Variants in PLA2G12B observed in about 807,000 individuals in gnomAD.
PLA2G12B encodes the protein phospholipase A2 group XIIB.
PLA2G12B carries 19 observed loss-of-function variants against 22.3 expected under a neutral mutation model. The observed-to-expected ratio is 0.85, with a 90% confidence interval of 0.60 to 1.25. PLA2G12B has a LOEUF of 1.25. Ranked by LOEUF, PLA2G12B falls within the 50% of genes most tolerant of loss-of-function variation. The pLI, the probability that PLA2G12B is intolerant of heterozygous loss-of-function variation, is 0.00. For missense variants in PLA2G12B, 191 were observed against 246.6 expected (o/e 0.77, Z 1.51); for synonymous variants, 81 against 94.9 (o/e 0.85, Z 0.85).
intron 1 of PLA2G12B, among the ~76,000 whole-genome samples, chr10:72,951,624 A>AT (rs1174125527): frequency 3.3e-5 from 5 of 151,408 alleles, no homozygotes; most frequent in African/African-American, 9.7e-5. Context: ...CACCCGGCTA[A>AT]TTTTTTTTGT....
intron 2 of PLA2G12B, among the ~76,000 whole-genome samples, chr10:72,942,038 C>T (rs1018926871): frequency 6.6e-6 from 1 of 152,120 alleles, no homozygotes; most frequent in African/African-American, 2.4e-5. Flanking sequence ...AATCCCAGCA[C>T]TTTGGGAGGC....
At chr10:72,949,699 C>T (rs1355093189) in intron 1 of PLA2G12B, among the ~76,000 whole-genome samples, 8 of 152,230 alleles carry the variant, frequency 5.3e-5, no homozygotes, top group African/African-American at 1.4e-4. Context: ...ATTTCCAGGC[C>T]GGGCGCGGTG....
At position 72,935,709 on chromosome 10, in the gene PLA2G12B, A is replaced by G; in HGVS notation, c.496T>C (p.Phe166Leu). Residue 166 changes from phenylalanine to leucine, a missense_variant, in exon 4 of 4, where the codon TTC (phenylalanine) becomes CTC (leucine). Physicochemically the swap from Phe to Leu is conservative, Grantham distance 22. Coordinates refer to ENST00000373032, the MANE Select transcript of PLA2G12B (RefSeq NM_032562.5). Reference sequence around the variant, plus strand: ...CAGCCCAAGGTCCACACGGTGTTGAACACAGTGTCAACCAGGGAATCACAG... The same window carrying G: ...CAGCCCAAGGTCCACACGGTGTTGAGCACAGTGTCAACCAGGGAATCACAG... ...AACDSLVDTV[F>L]NTVWTLGCRP... is the part of the protein sequence containing the mutation. The G allele has an allele frequency of 6.2e-7, 1 of 1,614,194 alleles. No homozygotes were observed. Among genetic ancestry groups the G allele is most frequent in the Non-Finnish European group, 8.5e-7 (1 of 1,180,000 alleles).
intron 3 of PLA2G12B, among the ~76,000 whole-genome samples, chr10:72,939,061 T>C (rs2132963082): frequency 6.6e-6 from 1 of 152,302 alleles, no homozygotes. Context: ...AGAAAGTAGA[T>C]TCATGGTTTC....
rs7094159 is a variant in PLA2G12B, at chr10:72,953,377, G to T, written c.211+1098C>A. ...AAAAGGAATAGAGAGACTTAAGGGT[G>T]AGTCCGGGAAGTATGTAGTTTTTTT... is the stretch of plus-strand genomic sequence containing the variant. On this transcript the variant is annotated intron_variant, in intron 1 of 3. Transcript: ENST00000373032. 2.8e-3 allele frequency among the ~76,000 whole-genome samples: 429 copies of T among 152,310 alleles called. 2 individuals carry two copies. The highest frequency in any genetic ancestry group is 9.8e-3 in the African/African-American group (406 of 41,566).
intron 2 of PLA2G12B, among the ~76,000 whole-genome samples, 177 bp from the exon 3 acceptor site, chr10:72,941,511 C>T (rs1374953413): frequency 2.0e-5 from 3 of 152,174 alleles, no homozygotes; most frequent in Non-Finnish European, 4.4e-5. Context: ...CACAGGATTA[C>T]AAGTGTTCAT....
At chr10:72,941,033 G>GC in intron 3 of PLA2G12B, 136 bp downstream of exon 3, 1 of 978,464 alleles carries the variant, frequency 1.0e-6, no homozygotes, top group East Asian at 2.8e-5. Flanking sequence ...ACCATTTCTT[G>GC]CTCAGCCACA....
At chr10:72,935,771 A>G in intron 3 of PLA2G12B, 33 bp from the exon 4 acceptor site, 3 of 1,606,182 alleles carry the variant, frequency 1.9e-6, no homozygotes, top group Non-Finnish European at 2.6e-6. Flanking sequence ...AGAAAGGTTA[A>G]CCCTGAGTAA....
chr10:72,939,221 CAT>C (rs1185506384), intron 3 of PLA2G12B, among the ~76,000 whole-genome samples: 4 of 152,154 alleles, frequency 2.6e-5, no homozygotes, highest in African/African-American at 7.2e-5. Context: ...TGAATTGTAT[CAT>C]GTGTGAATTG....
chr10:72,948,148 T>C (rs1475401336), intron 1 of PLA2G12B, among the ~76,000 whole-genome samples: 1 of 152,178 alleles, frequency 6.6e-6, no homozygotes, highest in Non-Finnish European at 1.5e-5. Flanking sequence ...AGTGCTGGGG[T>C]TACAGGTGTG....
At chr10:72,948,993 G>A (rs1846485203) in intron 1 of PLA2G12B, among the ~76,000 whole-genome samples, 1 of 152,162 alleles carries the variant, frequency 6.6e-6, no homozygotes, top group African/African-American at 2.4e-5. Flanking sequence ...AAAACTTTCA[G>A]GGCTTTGTGT....
chr10:72,936,706 T>C (rs2132959756), intron 3 of PLA2G12B, among the ~76,000 whole-genome samples: 1 of 152,280 alleles, frequency 6.6e-6, no homozygotes, highest in South Asian at 2.1e-4. Context: ...ACTCTGAATA[T>C]ACAAAAACCA....
intron 3 of PLA2G12B, among the ~76,000 whole-genome samples, chr10:72,938,728 A>T (rs148591609): frequency 6.6e-6 from 1 of 152,226 alleles, no homozygotes; most frequent in Non-Finnish European, 1.5e-5. Context: ...TAATCTTGTT[A>T]AGATGGCAAT....
intron 1 of PLA2G12B, among the ~76,000 whole-genome samples, chr10:72,952,712 C>T (rs1297017765): frequency 6.6e-6 from 1 of 152,146 alleles, no homozygotes; most frequent in African/African-American, 2.4e-5. Flanking sequence ...GGCATAACCG[C>T]CTATTTTTCT....
At chr10:72,944,200 T>G (rs1846406350) in intron 1 of PLA2G12B, among the ~76,000 whole-genome samples, 4 of 152,162 alleles carry the variant, frequency 2.6e-5, no homozygotes, top group South Asian at 4.1e-4. Flanking sequence ...CAAACAGCCA[T>G]GTACCAAATG....
chr10:72,942,968 C>CTT (rs56918622), intron 1 of PLA2G12B, among the ~76,000 whole-genome samples: 27 of 142,692 alleles, frequency 1.9e-4, no homozygotes, highest in African/African-American at 4.6e-4. Context: ...TTCATGAGCA[C>CTT]TTTTTTTTTT....
chr10:72,940,671 C>G (rs1200479283), intron 3 of PLA2G12B, among the ~76,000 whole-genome samples: 1 of 150,392 alleles, frequency 6.6e-6, no homozygotes, highest in Non-Finnish European at 1.5e-5. Context: ...GATTCTGTCT[C>G]AAAAAAAATT....
At chr10:72,941,037 A>C in intron 3 of PLA2G12B, 132 bp downstream of exon 3, 1 of 1,023,538 alleles carries the variant, frequency 9.8e-7, no homozygotes, top group South Asian at 2.1e-5. Context: ...TTTCTTGCTC[A>C]GCCACAGTGT....
At chr10:72,953,825 C>G in intron 1 of PLA2G12B, among the ~76,000 whole-genome samples, 1 of 152,208 alleles carries the variant, frequency 6.6e-6, no homozygotes, top group East Asian at 1.9e-4. Flanking sequence ...GCCCCGGGAT[C>G]CCTGGTGAGC....
Sources: gnomAD v4.1 joint callset for allele counts (sites outside exome capture counted in the v4.1 genomes callset) on GRCh38, gnomAD v4.1.1 for gene constraint, MANE v1.5 for transcripts, NCBI Gene and HGNC (gene_info 2026-07-23, HGNC 2026-07-21) for gene names.